Variants in SPEM3 observed in about 807,000 individuals in gnomAD.
SPEM3 encodes the protein SPEM family member 3.
In SPEM3 at chr17:7,429,449, G is replaced by A. The variant is rs984769236; in HGVS notation, c.278G>A (p.Arg93His). ...PKNLCSKVSSRVHPRPGFLLR... is the reference protein window; with the variant it reads ...PKNLCSKVSSHVHPRPGFLLR... ...AACCTGTGCTCAAAAGTCTCTTCCC[G>A]CGTCCATCCTCGCCCAGGCTTCCTG... The change falls in exon 3 of 3, where the codon CGC (arginine) becomes CAC (histidine). Residue 93 changes from arginine (R) to histidine (H), a missense_variant. Coordinates refer to ENST00000636696, the MANE Select transcript of SPEM3 (RefSeq NM_001364708.1). The surrounding 1 kb of genome is among the most constrained non-coding windows in gnomAD (Gnocchi z 4.9). The A allele has an allele frequency of 3.0e-5, 12 of 398,442 alleles. No homozygotes were observed. Among genetic ancestry groups the A allele is most frequent in the African/African-American group, 2.3e-4 (11 of 48,572 alleles). The allele number at this position is 398,442 out of a possible 1,614,324, so 24.7% of individuals were successfully genotyped here. A position where few individuals can be genotyped will look rare whatever the true frequency, so the allele number is the denominator to read the frequency against.
In SPEM3 at chr17:7,431,900, A is replaced by C. The variant is rs527627319; in HGVS notation, c.2729A>C (p.Gln910Pro). Residue 910 changes from glutamine (Q) to proline (P), a missense_variant, in exon 3 of 3, where the codon CAA becomes CCA. By Grantham distance (76) the Gln-to-Pro change is moderately conservative. Coordinates refer to ENST00000636696, the MANE Select transcript of SPEM3 (RefSeq NM_001364708.1). Reference protein sequence around the residue: ...SGLPKCSGLTQNSGDYKNPGL... With the variant: ...SGLPKCSGLTPNSGDYKNPGL... ...CTCCCAAAGTGCTCAGGCCTTACCCAAAACTCAGGAGACTACAAGAATCCA... is the reference window on the plus strand; with the variant it reads ...CTCCCAAAGTGCTCAGGCCTTACCCCAAACTCAGGAGACTACAAGAATCCA... 2.5e-6 allele frequency: 1 copy of C among 398,564 alleles called. No homozygotes were observed. The highest frequency in any genetic ancestry group is 3.6e-5 in the East Asian group (1 of 28,082). The allele number at this position is 398,564 out of a possible 1,614,324, so 24.7% of individuals were successfully genotyped here.
At position 7,431,948 on chromosome 17, in the gene SPEM3, G is replaced by C. The variant is rs115520914; in HGVS notation, c.2777G>C (p.Gly926Ala). 6.1e-3 allele frequency: 2,444 copies of C among 398,362 alleles called. 37 individuals carry two copies. Among genetic ancestry groups the C allele is most frequent in the African/African-American group, 0.042 (2,044 of 48,644 alleles). The allele number at this position is 398,362 out of a possible 1,614,324, so 24.7% of individuals were successfully genotyped here. A position where few individuals can be genotyped will look rare whatever the true frequency, so the allele number is the denominator to read the frequency against. Residue 926 changes from glycine (G) to alanine (A), a missense_variant, in exon 3 of 3, where the codon GGC becomes GCC. Gly to Ala is a moderately conservative substitution (Grantham distance 60). Transcript: ENST00000636696. ...KNPGLIQDCGGHKVKGLTQDS... is the reference protein window; with the variant it reads ...KNPGLIQDCGAHKVKGLTQDS... ...CCAGGACTTATCCAAGATTGTGGTG[G>C]CCACAAAGTTAAAGGCCTTACTCAA...
rs1217272222 is a variant in SPEM3, at chr17:7,430,618, C to G, written c.1447C>G (p.Gln483Glu). ...RKDLATLFRP[Q>E]EGQDLVSSGI... ...AGACTTGGCTACCCTCTTCAGGCCCCAAGAGGGTCAGGACCTGGTGAGTTC... is the reference window on the plus strand; with the variant it reads ...AGACTTGGCTACCCTCTTCAGGCCCGAAGAGGGTCAGGACCTGGTGAGTTC... Residue 483 changes from glutamine to glutamate, a missense_variant, in exon 3 of 3, where the codon CAA (glutamine) becomes GAA (glutamate). Transcript: ENST00000636696. The G allele has an allele frequency of 2.5e-6, 1 of 398,608 alleles. No homozygotes were observed. Among genetic ancestry groups the G allele is most frequent in the East Asian group, 3.6e-5 (1 of 28,100 alleles). The allele number at this position is 398,608 out of a possible 1,614,324, so 24.7% of individuals were successfully genotyped here.
chr17:7,430,740 G>A lies in SPEM3; in HGVS notation c.1569G>A (p.Trp523Ter), dbSNP rs1171056691. ...ACCTGGAGTTGAGGAATATGGAATG[G>A]AAGAACTCAGATGATGCCAAAGATA... ...LGYLELRNME[W>*]KNSDDAKDKF... Residue 523 changes from tryptophan (W) to a stop codon, truncating the protein, a stop_gained, in exon 3 of 3, where the codon TGG (tryptophan) becomes TGA (stop). Transcript: ENST00000636696. LOFTEE classifies it low-confidence loss of function (END_TRUNC). The A allele has an allele frequency of 2.5e-6, 1 of 398,530 alleles. No individual in the cohort carries two copies. The highest frequency in any genetic ancestry group is 3.6e-5 in the East Asian group (1 of 28,102). 24.7% of individuals were successfully genotyped at this position (398,530 alleles called of 1,614,324 possible). A position where few individuals can be genotyped will look rare whatever the true frequency, so the allele number is the denominator to read the frequency against.
At position 7,431,304 on chromosome 17, in the gene SPEM3, C is replaced by G; in HGVS notation, c.2133C>G (p.His711Gln). 1 of 398,538 alleles carries G rather than the reference C, an allele frequency of 2.5e-6. No homozygotes were observed. Among genetic ancestry groups the G allele is most frequent in the Non-Finnish European group, 4.4e-6 (1 of 226,072 alleles). The allele number at this position is 398,538 out of a possible 1,614,324, so 24.7% of individuals were successfully genotyped here. A position where few individuals can be genotyped will look rare whatever the true frequency, so the allele number is the denominator to read the frequency against. Residue 711 changes from histidine to glutamine, a missense_variant, in exon 3 of 3, where the codon CAC (histidine) becomes CAG (glutamine). His to Gln is a conservative substitution (Grantham distance 24). Transcript: ENST00000636696. ...NPGLTQDPGL[H>Q]ENPGLAPNQG... ...GCCTTACCCAAGATCCAGGCCTCCA[C>G]GAGAACCCAGGTCTTGCTCCAAATC...
Position 7,431,453 on chromosome 17 carries a change from A to G in SPEM3, c.2282A>G (p.Asn761Ser), listed in dbSNP as rs1907830055. 7.5e-6 allele frequency: 3 copies of G among 398,486 alleles called. No homozygotes were observed. The highest frequency in any genetic ancestry group is 1.3e-5 in the Non-Finnish European group (3 of 226,038). The allele number at this position is 398,486 out of a possible 1,614,324, so 24.7% of individuals were successfully genotyped here. The change falls in exon 3 of 3, where the codon AAC (asparagine) becomes AGC (serine). Residue 761 changes from asparagine (N) to serine (S), a missense_variant. Asn to Ser is a conservative substitution (Grantham distance 46, BLOSUM62 1). Transcript: ENST00000636696. ...ACTCAAGATTCCCACCCCCAAAAGAACACAGGTCTGACTCAAGAAGCTGGT... is the reference window on the plus strand; with the variant it reads ...ACTCAAGATTCCCACCCCCAAAAGAGCACAGGTCTGACTCAAGAAGCTGGT... ...GITQDSHPQK[N>S]TGLTQEAGIL...
rs1475343617 is a variant in SPEM3, at chr17:7,429,983, C to T, written c.812C>T (p.Pro271Leu). Residue 271 changes from proline (P) to leucine (L), a missense_variant, in exon 3 of 3, where the codon CCT becomes CTT. Coordinates refer to ENST00000636696, the MANE Select transcript of SPEM3 (RefSeq NM_001364708.1). This position sits in a 1 kb window ranked among gnomAD's most constrained non-coding sequence, Gnocchi z 4.9. ...SAQAQAHTSA[P>L]TPAQTPAHIQ... ...CAGGCCCAAGCCCACACCTCAGCCC[C>T]TACCCCAGCTCAGACGCCAGCCCAC... 2 of 423,360 alleles carry T rather than the reference C, an allele frequency of 4.7e-6. No individual in the cohort carries two copies. The highest frequency in any genetic ancestry group is 4.1e-6 in the Non-Finnish European group (1 of 241,710). 26.2% of individuals were successfully genotyped at this position (423,360 alleles called of 1,614,324 possible).
In SPEM3 at chr17:7,431,978, C is replaced by T. The variant is rs1907846407; in HGVS notation, c.2807C>T (p.Ser936Phe). The T allele has an allele frequency of 7.5e-6, 3 of 398,460 alleles. No individual in the cohort carries two copies. The highest frequency in any genetic ancestry group is 1.3e-4 in the South Asian group (1 of 7,862). The allele number at this position is 398,460 out of a possible 1,614,324, so 24.7% of individuals were successfully genotyped here. The change falls in exon 3 of 3, where the codon TCC becomes TTC. Residue 936 changes from serine to phenylalanine, a missense_variant. Transcript: ENST00000636696. ...AAAGTTAAAGGCCTTACTCAAGATT[C>T]CAACCTCCCAAGCCTTACCCAAGCC... Reference protein sequence around the residue: ...GHKVKGLTQDSNLPSLTQATK... With the variant: ...GHKVKGLTQDFNLPSLTQATK...
chr17:7,431,210 C>T lies in SPEM3; in HGVS notation c.2039C>T (p.Pro680Leu). 1 of 398,530 alleles carries T rather than the reference C, an allele frequency of 2.5e-6. No homozygotes were observed. The highest frequency in any genetic ancestry group is 4.4e-6 in the Non-Finnish European group (1 of 226,080). 24.7% of individuals were successfully genotyped at this position (398,530 alleles called of 1,614,324 possible). The change falls in exon 3 of 3, where the codon CCT (proline) becomes CTT (leucine). Residue 680 changes from proline (P) to leucine (L), a missense_variant. Coordinates refer to ENST00000636696, the MANE Select transcript of SPEM3 (RefSeq NM_001364708.1). ...TCTGGCCTTCAAAGGACCCCAGGCC[C>T]TTCAAAAGACTCCAGAGTTCCCAGG... Reference protein sequence around the residue: ...QDSGLQRTPGPSKDSRVPRNL... With the variant: ...QDSGLQRTPGLSKDSRVPRNL...
Position 7,430,791 on chromosome 17 carries a change from T to A in SPEM3, c.1620T>A (p.Pro540=). 1 of 398,612 alleles carries A rather than the reference T, an allele frequency of 2.5e-6. No individual in the cohort carries two copies. Among genetic ancestry groups the A allele is most frequent in the Non-Finnish European group, 4.4e-6 (1 of 226,102 alleles). The allele number at this position is 398,612 out of a possible 1,614,324, so 24.7% of individuals were successfully genotyped here. ...AGTTCCCCCAGACCAAGACTTCCCC[T>A]TACTGCAGCTTCCATCCTTGCAGTT... ...KDKFPQTKTS[P]YCSFHPCSSE... is the part of the protein sequence containing the mutation. Residue 540 remains proline, a synonymous_variant, in exon 3 of 3, where the codon CCT becomes CCA. Coordinates refer to ENST00000636696, the MANE Select transcript of SPEM3 (RefSeq NM_001364708.1).
In SPEM3 at chr17:7,431,397, A is replaced by G; in HGVS notation, c.2226A>G (p.Gln742=). The G allele has an allele frequency of 2.5e-6, 1 of 398,556 alleles. No homozygotes were observed. The highest frequency in any genetic ancestry group is 4.4e-6 in the Non-Finnish European group (1 of 226,052). 24.7% of individuals were successfully genotyped at this position (398,556 alleles called of 1,614,324 possible). ...TCTGCCAGAATCCAAGCCCTTCTCA[A>G]GACTTTGGTCTTCACAAGAATTCAG... ...SYLCQNPSPS[Q]DFGLHKNSGI... The change falls in exon 3 of 3, where the codon CAA becomes CAG. Residue 742 remains glutamine (Q), a synonymous_variant. Coordinates refer to ENST00000636696, the MANE Select transcript of SPEM3 (RefSeq NM_001364708.1).
At position 7,430,247 on chromosome 17, in the gene SPEM3, C is replaced by A. The variant is rs1907787231; in HGVS notation, c.1076C>A (p.Pro359Gln). Residue 359 changes from proline (P) to glutamine (Q), a missense_variant, in exon 3 of 3, where the codon CCA becomes CAA. Coordinates refer to ENST00000636696, the MANE Select transcript of SPEM3 (RefSeq NM_001364708.1). The part of the protein sequence containing the change: ...YTSAHAPAYI[P>Q]DHSHLVRSSV... ...TCAGCCCATGCCCCAGCGTATATCCCAGACCACTCTCATCTAGTCCGCAGC... is the reference window on the plus strand; with the variant it reads ...TCAGCCCATGCCCCAGCGTATATCCAAGACCACTCTCATCTAGTCCGCAGC... 2.4e-6 allele frequency: 1 copy of A among 412,650 alleles called. No homozygotes were observed. The highest frequency in any genetic ancestry group is 3.6e-5 in the East Asian group (1 of 28,156). 25.6% of individuals were successfully genotyped at this position (412,650 alleles called of 1,614,324 possible).
In SPEM3 at chr17:7,432,014, AAAG is replaced by A. The variant is rs1907847868; in HGVS notation, c.2848_2850del (p.Arg950del). On this transcript the variant is annotated inframe_deletion, in exon 3 of 3. Transcript: ENST00000636696. The surrounding 1 kb of genome is among the most constrained non-coding windows in gnomAD (Gnocchi z 4.1). ...AGCCTTACCCAAGCCACTAAAGTTG[AAAG>A]AAGATTTAGCCTTCCCCAAGATGTT... 3 of 398,542 alleles carry A rather than the reference AAAG, an allele frequency of 7.5e-6. No individual in the cohort carries two copies. Among genetic ancestry groups the A allele is most frequent in the Admixed American group, 4.4e-5 (1 of 22,712 alleles). The allele number at this position is 398,542 out of a possible 1,614,324, so 24.7% of individuals were successfully genotyped here. A position where few individuals can be genotyped will look rare whatever the true frequency, so the allele number is the denominator to read the frequency against.
rs1907788816 is a variant in SPEM3 at position 7,430,279 on chromosome 17, C to T, written c.1108C>T (p.Pro370Ser). 4.9e-6 allele frequency: 2 copies of T among 410,956 alleles called. No individual in the cohort carries two copies. Among genetic ancestry groups the T allele is most frequent in the South Asian group, 8.9e-5 (1 of 11,230 alleles). 25.5% of individuals were successfully genotyped at this position (410,956 alleles called of 1,614,324 possible). A position where few individuals can be genotyped will look rare whatever the true frequency, so the allele number is the denominator to read the frequency against. Residue 370 changes from proline to serine, a missense_variant, in exon 3 of 3, where the codon CCT becomes TCT. Physicochemically the swap from Pro to Ser is moderately conservative, Grantham distance 74. Transcript: ENST00000636696. ...CTCTCATCTAGTCCGCAGCTCCGTT[C>T]CTGTCCCAACCTCTGCCCCAGCTCC... is the stretch of plus-strand genomic sequence containing the variant. The part of the protein sequence containing the change: ...DHSHLVRSSV[P>S]VPTSAPAPPG...
chr17:7,431,476 G>T lies in SPEM3; in HGVS notation c.2305G>T (p.Gly769Cys). 2.5e-6 allele frequency: 1 copy of T among 398,548 alleles called. No homozygotes were observed. Among genetic ancestry groups the T allele is most frequent in the East Asian group, 3.6e-5 (1 of 28,074 alleles). The allele number at this position is 398,548 out of a possible 1,614,324, so 24.7% of individuals were successfully genotyped here. Residue 769 changes from glycine (G) to cysteine (C), a missense_variant, in exon 3 of 3, where the codon GGT becomes TGT. Gly to Cys is a radical substitution (Grantham distance 159). Transcript: ENST00000636696. ...QKNTGLTQEA[G>C]ILRSPCLTQS... The stretch of plus-strand genomic sequence containing the variant: ...GAACACAGGTCTGACTCAAGAAGCT[G>T]GTATCCTTAGGAGCCCATGTCTCAC...
chr17:7,429,114 G>A lies in SPEM3; in HGVS notation c.138+74G>A. The stretch of plus-strand genomic sequence containing the variant: ...AAGGGGCTGAGGTGGGAGGGCTGTT[G>A]GGGTGTGGCCAGATAAGAGTTGGAC... On this transcript the variant is annotated intron_variant, in intron 1 of 2. Coordinates refer to ENST00000636696, the MANE Select transcript of SPEM3 (RefSeq NM_001364708.1). The surrounding 1 kb of genome is among the most constrained non-coding windows in gnomAD (Gnocchi z 4.9). 2.5e-6 allele frequency: 1 copy of A among 398,878 alleles called. No homozygotes were observed. Among genetic ancestry groups the A allele is most frequent in the African/African-American group, 2.1e-5 (1 of 48,752 alleles). The allele number at this position is 398,878 out of a possible 1,614,324, so 24.7% of individuals were successfully genotyped here.
In SPEM3 at chr17:7,432,200, G is replaced by C. The variant is rs1313375749; in HGVS notation, c.3029G>C (p.Ser1010Thr). The C allele has an allele frequency of 2.5e-6, 1 of 398,562 alleles. No homozygotes were observed. The highest frequency in any genetic ancestry group is 4.4e-6 in the Non-Finnish European group (1 of 226,128). The allele number at this position is 398,562 out of a possible 1,614,324, so 24.7% of individuals were successfully genotyped here. ...ACCCAGGAATCTGGCCCCTACAAGA[G>C]CTCATGCCTCATCCCAGATCCCAGC... ...GLTQESGPYK[S>T]SCLIPDPSLY... Residue 1010 changes from serine (S) to threonine (T), a missense_variant, in exon 3 of 3, where the codon AGC (serine) becomes ACC (threonine). Physicochemically the swap from Ser to Thr is moderately conservative, Grantham distance 58 (BLOSUM62 1). Transcript: ENST00000636696. The surrounding 1 kb of genome is among the most constrained non-coding windows in gnomAD (Gnocchi z 4.1).
Position 7,430,125 on chromosome 17 carries a change from C to T in SPEM3, c.954C>T (p.Ser318=). ...SPPHTPEYTH[S]QAHSPEHTSA... is the part of the protein sequence containing the mutation. ...CCCACACCCCTGAGTATACTCACTC[C>T]CAGGCCCACAGCCCTGAACACACCT... The change falls in exon 3 of 3, where the codon TCC becomes TCT. Residue 318 remains serine, a synonymous_variant. Coordinates refer to ENST00000636696, the MANE Select transcript of SPEM3 (RefSeq NM_001364708.1). 2.4e-6 allele frequency: 1 copy of T among 418,384 alleles called. No homozygotes were observed. The highest frequency in any genetic ancestry group is 4.2e-6 in the Non-Finnish European group (1 of 237,806). 25.9% of individuals were successfully genotyped at this position (418,384 alleles called of 1,614,324 possible).
rs1907813934 is a variant in SPEM3 at position 7,431,004 on chromosome 17, C to G, written c.1833C>G (p.Pro611=). The part of the protein sequence containing the change: ...VPPRSFVPPQ[P]TNHQRPSTLI... The stretch of plus-strand genomic sequence containing the variant: ...CCAGATCCTTTGTCCCTCCTCAACC[C>G]ACCAACCATCAGAGGCCTTCCACCT... The change falls in exon 3 of 3, where the codon CCC becomes CCG. Residue 611 remains proline, a synonymous_variant. Transcript: ENST00000636696. The G allele has an allele frequency of 7.5e-6, 3 of 398,808 alleles. No homozygotes were observed. 24.7% of individuals were successfully genotyped at this position (398,808 alleles called of 1,614,324 possible).
Sources: gnomAD v4.1 joint callset for allele counts on GRCh38, gnomAD v4.1.1 for gene constraint, Gnocchi (gnomAD v3.1) non-coding constraint, MANE v1.5 for transcripts, NCBI Gene and HGNC (gene_info 2026-07-23, HGNC 2026-07-21) for gene names.